MTHFD1L: variants seen among roughly 807,000 people sequenced by gnomAD.
The protein encoded by MTHFD1L is monofunctional C1-tetrahydrofolate synthase, mitochondrial.
In MTHFD1L, 81 loss-of-function variants were observed where a neutral mutation model predicts 119.5. The observed-to-expected ratio is 0.68, with a 90% CI of 0.57 to 0.82. The LOEUF is 0.82. Ranked by LOEUF, MTHFD1L falls within the 40% of genes least tolerant of loss-of-function variation. The probability of loss-of-function intolerance (pLI) is 0.00; values close to 1 mark genes in which losing one functional copy is unlikely to be tolerated. For missense variants in MTHFD1L, 1,125 were observed against 1,253.4 expected, an observed-to-expected ratio of 0.90 and a Z score of 1.55; for synonymous variants, 430 against 475.2, an observed-to-expected ratio of 0.90 and a Z score of 1.24.
At chr6:151,003,854 G>A (rs920622605) in intron 20 of MTHFD1L, among the ~76,000 whole-genome samples, 1 of 152,098 alleles carries the variant, frequency 6.6e-6, no homozygotes, top group African/African-American at 2.4e-5. Flanking sequence ...GCACCACACT[G>A]GGCTTTGTGT....
intron 20 of MTHFD1L, among the ~76,000 whole-genome samples, chr6:150,991,867 T>G (rs1779109361): frequency 6.6e-6 from 1 of 152,190 alleles, no homozygotes; most frequent in South Asian, 2.1e-4. Context: ...AAGATGGCAC[T>G]GAGGCGAGCC....
chr6:151,095,917 G>A (rs940646149), intron 27 of MTHFD1L, among the ~76,000 whole-genome samples: 1 of 152,212 alleles, frequency 6.6e-6, no homozygotes, highest in African/African-American at 2.4e-5. Flanking sequence ...CAGGGAGGTG[G>A]GTAGTATTTT....
At chr6:150,946,902 C>T (rs1794041768) in intron 15 of MTHFD1L, among the ~76,000 whole-genome samples, 1 of 151,518 alleles carries the variant, frequency 6.6e-6, no homozygotes, top group African/African-American at 2.4e-5. Flanking sequence ...GGTGAAACCC[C>T]ATCTCTACTA....
chr6:150,943,761 C>G (rs1793525596), intron 13 of MTHFD1L, among the ~76,000 whole-genome samples: 1 of 152,046 alleles, frequency 6.6e-6, no homozygotes, highest in Non-Finnish European at 1.5e-5. Flanking sequence ...GAAGATGATT[C>G]TACAAATGAT....
chr6:151,011,465 G>A (rs748370691), intron 21 of MTHFD1L, among the ~76,000 whole-genome samples: 4 of 151,624 alleles, frequency 2.6e-5, no homozygotes, highest in Non-Finnish European at 5.9e-5. Flanking sequence ...ACAGGGAGAC[G>A]CAGTGACTTG....
At chr6:151,024,128 C>T (rs2128508109) in intron 24 of MTHFD1L, among the ~76,000 whole-genome samples, 1 of 152,066 alleles carries the variant, frequency 6.6e-6, no homozygotes, top group African/African-American at 2.4e-5. Flanking sequence ...AGTACAAGGG[C>T]TCCTTGAACA....
chr6:150,939,522 A>G (rs895381567), intron 13 of MTHFD1L, among the ~76,000 whole-genome samples: 1 of 151,914 alleles, frequency 6.6e-6, no homozygotes, highest in African/African-American at 2.4e-5. Flanking sequence ...CAATCTTCCA[A>G]AACCCAAATC....
At chr6:150,960,521 CA>C in intron 18 of MTHFD1L, 106 bp downstream of exon 18, 1 of 1,409,880 alleles carries the variant, frequency 7.1e-7, no homozygotes, top group Non-Finnish European at 9.4e-7. Flanking sequence ...AATGAGGATA[CA>C]GAAAAAGTTT....
chr6:150,969,138 C>T (rs905654636), intron 19 of MTHFD1L, among the ~76,000 whole-genome samples: 1 of 149,282 alleles, frequency 6.7e-6, no homozygotes, highest in East Asian at 1.9e-4. Context: ...TGGGCCACCA[C>T]GCCCAGCAAA....
At chr6:151,041,204 A>G (rs1237112733) in intron 26 of MTHFD1L, among the ~76,000 whole-genome samples, 4 of 152,202 alleles carry the variant, frequency 2.6e-5, no homozygotes, top group South Asian at 2.1e-4. Context: ...GCTGCTTTCT[A>G]TGACAGAGCA....
intron 20 of MTHFD1L, among the ~76,000 whole-genome samples, chr6:151,006,762 A>T (rs1333272971): frequency 6.6e-6 from 1 of 152,076 alleles, no homozygotes; most frequent in Non-Finnish European, 1.5e-5. Context: ...AATGTCTCAA[A>T]CACATGGTCC....
At chr6:150,945,253 T>G (rs1793731650) in intron 14 of MTHFD1L, among the ~76,000 whole-genome samples, 1 of 152,238 alleles carries the variant, frequency 6.6e-6, no homozygotes, top group African/African-American at 2.4e-5. Flanking sequence ...TTATGCAAAC[T>G]CTTTGCAATG....
chr6:150,939,741 G>A (rs4869957), intron 13 of MTHFD1L, among the ~76,000 whole-genome samples: 1 of 145,596 alleles, frequency 6.9e-6, no homozygotes, highest in Admixed American at 7.3e-5. Flanking sequence ...CTGGAGTGCA[G>A]TGGCACAGTC....
Position 150,960,365 on chromosome 6 carries a change from A to G in MTHFD1L, c.1894A>G (p.Met632Val), listed in dbSNP as rs1796256510. Residue 632 changes from methionine (M) to valine (V), a missense_variant, in exon 18 of 28, where the codon ATG (methionine) becomes GTG (valine). Met to Val is a conservative substitution (Grantham distance 21). Around this residue, in one of 3 missense-constraint regions of MTHFD1L, gnomAD observed 1,058 missense variants for 1,151.2 expected, o/e 0.92. Transcript: ENST00000367321. ...LADMKARLGR[M>V]VVASDKSGQP... ...AGACATGAAGGCACGGCTGGGAAGG[A>G]TGGTGGTGGCCAGTGACAAAAGCGG... The G allele has an allele frequency of 1.2e-6, 2 of 1,613,830 alleles. No individual in the cohort carries two copies. Among genetic ancestry groups the G allele is most frequent in the African/African-American group, 1.3e-5 (1 of 74,910 alleles).
intron 4 of MTHFD1L, among the ~76,000 whole-genome samples, chr6:150,879,335 T>C (rs1483183845): frequency 1.3e-5 from 2 of 152,106 alleles, no homozygotes; most frequent in Non-Finnish European, 1.5e-5. Context: ...TCTGTCAGGC[T>C]GGAGTGCGGT....
In MTHFD1L at chr6:151,071,837, A is replaced by ATTTTTTTTTT. The variant is rs753092094; in HGVS notation, c.2848-20617_2848-20608dup. Among the ~76,000 whole-genome samples the ATTTTTTTTTT allele has an allele frequency of 1.5e-4, 16 of 107,502 alleles. 2 individuals carry two copies. The highest frequency in any genetic ancestry group is 7.0e-4 in the South Asian group (2 of 2,848). The allele number at this position is 107,502 out of a possible 152,430, so 70.5% of individuals were successfully genotyped here. On this transcript the variant is annotated intron_variant, in intron 26 of 27. Coordinates refer to ENST00000367321, the MANE Select transcript of MTHFD1L (RefSeq NM_015440.5). ...ATATTAAGCAACATTGTAAGTACAG[A>ATTTTTTTTTT]TTTTTTTTTTTTTTTTTTTTTTGAG... is the stretch of plus-strand genomic sequence containing the variant.
At chr6:150,960,071 G>A (rs139564535) in intron 17 of MTHFD1L, among the ~76,000 whole-genome samples, 337 of 152,302 alleles carry the variant, frequency 2.2e-3, no homozygotes, top group African/African-American at 7.9e-3. Flanking sequence ...AGCACATTCC[G>A]CCTGGGAGGC....
At chr6:151,041,316 A>G (rs1787072922) in intron 26 of MTHFD1L, among the ~76,000 whole-genome samples, 1 of 152,212 alleles carries the variant, frequency 6.6e-6, no homozygotes, top group Non-Finnish European at 1.5e-5. Flanking sequence ...GCCTTGCCAC[A>G]GTCTGCTGAA....
At chr6:150,866,465 G>A in intron 1 of MTHFD1L, 1 of 1,320,542 alleles carries the variant, frequency 7.6e-7, no homozygotes, top group South Asian at 2.0e-5. Context: ...GCGGCTCGGC[G>A]CGCCGGCTGG....
Sources: gnomAD v4.1 joint callset for allele counts (sites outside exome capture counted in the v4.1 genomes callset) on GRCh38, gnomAD v4.1.1 for gene constraint, gnomAD v4.1.1 regional missense constraint, MANE v1.5 for transcripts, NCBI Gene and HGNC (gene_info 2026-07-23, HGNC 2026-07-21) for gene names.